Variants in SATL1 observed in about 807,000 individuals in gnomAD.
SATL1 encodes spermidine/spermine N(1)-acetyltransferase-like protein 1.
In SATL1, 47 loss-of-function variants were observed where a neutral mutation model predicts 51.8. The observed-to-expected ratio is 0.91, with a 90% CI of 0.72 to 1.16. SATL1 has a LOEUF of 1.16. Among genes scored for constraint, SATL1 ranks in the 50% most tolerant of loss-of-function variants. The pLI is 0.00. For synonymous variants in SATL1, 176 were observed against 182.4 expected (o/e 0.97, Z 0.28); for missense variants, 520 against 526.4 (o/e 0.99, Z 0.12).
intron 2 of SATL1, among the ~76,000 whole-genome samples, chrX:85,144,600 G>T (rs894181620): frequency 1.8e-5 from 2 of 112,068 alleles, no homozygotes; most frequent in Non-Finnish European, 3.8e-5. Flanking sequence ...GACTTGACTC[G>T]TAAGAAAGGT....
At chrX:85,220,644 TA>T (rs57383092) in intron 2 of SATL1, among the ~76,000 whole-genome samples, 14 of 24,162 alleles carry the variant, frequency 5.8e-4, no homozygotes, top group South Asian at 4.4e-3. Flanking sequence ...ACTTCTGTGT[TA>T]AAAAAAAAAA....
chrX:85,096,099 T>C (rs1218342762), intron 4 of SATL1, among the ~76,000 whole-genome samples: 1 of 111,453 alleles, frequency 9.0e-6, no homozygotes, highest in African/African-American at 3.3e-5. Context: ...AGCCAGATGT[T>C]TGACTTACTA....
At chrX:85,095,388 G>A (rs960738479) in intron 4 of SATL1, among the ~76,000 whole-genome samples, 9 of 111,731 alleles carry the variant, frequency 8.1e-5, no homozygotes, top group African/African-American at 9.8e-5. Flanking sequence ...CTGAGGTGAC[G>A]ACTTGGAGGT....
At position 85,107,429 on chromosome X, in the gene SATL1, G is replaced by T; in HGVS notation, c.1540C>A (p.Pro514Thr). Residue 514 changes from proline to threonine, a missense_variant, in exon 3 of 8, where the codon CCA becomes ACA. This residue lies in a region of SATL1 where 488 missense variants were observed against 474.3 expected (regional missense o/e 1.03). Transcript: ENST00000644105. ...PGLSQPGRSQ[P>T]SVSQMGMRQT... Reference sequence around the variant, plus strand: ...CTCATGCCCATTTGGCTCACACTTGGTTGGCTCCTGCCTGGTTGACTCAGG... The same window carrying T: ...CTCATGCCCATTTGGCTCACACTTGTTTGGCTCCTGCCTGGTTGACTCAGG... The T allele has an allele frequency of 8.2e-7, 1 of 1,212,164 alleles. No individual in the cohort carries two copies. The highest frequency in any genetic ancestry group is 1.1e-6 in the Non-Finnish European group (1 of 895,429).
intron 4 of SATL1, among the ~76,000 whole-genome samples, chrX:85,100,507 T>C (rs535034547): frequency 2.7e-5 from 3 of 112,107 alleles, no homozygotes; most frequent in Non-Finnish European, 3.8e-5. Flanking sequence ...AAAACTTGTA[T>C]ACTGAAAGCT....
At chrX:85,103,589 T>C (rs182063029) in intron 4 of SATL1, among the ~76,000 whole-genome samples, 1 of 112,053 alleles carries the variant, frequency 8.9e-6, no homozygotes, top group Non-Finnish European at 1.9e-5. Flanking sequence ...GGGTGTTAAA[T>C]TATACTTTTT....
intron 2 of SATL1, chrX:85,156,449 G>A (rs994969293): frequency 9.0e-6 from 1 of 110,965 alleles, no homozygotes; most frequent in African/African-American, 3.3e-5. Context: ...GATAAACTAA[G>A]TTTACAGAAG....
chrX:85,138,503 T>C (rs1926022373), intron 2 of SATL1, among the ~76,000 whole-genome samples: 1 of 111,483 alleles, frequency 9.0e-6, no homozygotes, highest in African/African-American at 3.3e-5. Context: ...GTTTTTTTTG[T>C]TTTTGTTTTT....
intron 2 of SATL1, among the ~76,000 whole-genome samples, chrX:85,190,845 T>C (rs757282668): frequency 9.1e-6 from 1 of 109,724 alleles, no homozygotes; most frequent in African/African-American, 3.3e-5. Context: ...GAAACCATCA[T>C]TCTCAGCAAA....
At chrX:85,193,097 G>T (rs1179713596) in intron 2 of SATL1, among the ~76,000 whole-genome samples, 1 of 111,503 alleles carries the variant, frequency 9.0e-6, no homozygotes, top group Non-Finnish European at 1.9e-5. Flanking sequence ...AAATGTCAGG[G>T]AATAATGGTA....
intron 1 of SATL1, among the ~76,000 whole-genome samples, chrX:85,226,782 C>G (rs1030090830): frequency 9.9e-5 from 11 of 111,014 alleles, no homozygotes; most frequent in African/African-American, 3.6e-4. Context: ...TCTATAATCT[C>G]AATTTTAAAC....
chrX:85,243,391 G>A (rs367700418), intron 1 of SATL1, among the ~76,000 whole-genome samples, 197 bp downstream of exon 1: 1 of 112,273 alleles, frequency 8.9e-6, no homozygotes, highest in South Asian at 3.7e-4. Flanking sequence ...GCAGACAGAA[G>A]CTGAAAGTGA....
chrX:85,201,328 A>G (rs1927682292), intron 2 of SATL1, among the ~76,000 whole-genome samples: 1 of 111,663 alleles, frequency 9.0e-6, no homozygotes, highest in South Asian at 3.7e-4. Flanking sequence ...AATTTTAATT[A>G]ATAGAGATTC....
intron 2 of SATL1, among the ~76,000 whole-genome samples, chrX:85,178,587 C>A (rs765525126): frequency 3.9e-5 from 4 of 101,706 alleles, no homozygotes; most frequent in Non-Finnish European, 7.9e-5. Context: ...TGAGTTATAA[C>A]CACTTCAGCC....
chrX:85,139,262 C>A (rs1380985343), intron 2 of SATL1, among the ~76,000 whole-genome samples: 1 of 111,372 alleles, frequency 9.0e-6, no homozygotes, highest in Non-Finnish European at 1.9e-5. Context: ...ATGTGCCAAG[C>A]ACTGTGGTAA....
chrX:85,173,505 T>A (rs1475434393), intron 2 of SATL1, among the ~76,000 whole-genome samples: 5 of 110,821 alleles, frequency 4.5e-5, no homozygotes, highest in African/African-American at 1.6e-4. Flanking sequence ...TTCTTTTTTT[T>A]ATGATATTAA....
intron 2 of SATL1, among the ~76,000 whole-genome samples, chrX:85,139,806 A>G (rs139577270): frequency 0.027 from 2,970 of 111,707 alleles, 98 homozygotes; most frequent in African/African-American, 0.09. Flanking sequence ...TTTACAGTAG[A>G]TTTACACTAT....
chrX:85,137,087 G>A (rs1331399816), intron 2 of SATL1, among the ~76,000 whole-genome samples: 2 of 111,375 alleles, frequency 1.8e-5, no homozygotes, highest in African/African-American at 6.5e-5. Context: ...GCAGAAAAGC[G>A]TGGGCTCAGG....
chrX:85,167,251 TG>T (rs201321430), intron 2 of SATL1, among the ~76,000 whole-genome samples: 11,425 of 84,298 alleles, frequency 0.14, 631 homozygotes, highest in South Asian at 0.24. Flanking sequence ...ATCAGAGAGA[TG>T]GGGGGGGGGT....
Sources: allele counts gnomAD v4.1 joint callset (sites outside exome capture counted in the v4.1 genomes callset), GRCh38; gene constraint gnomAD v4.1.1; regional missense constraint gnomAD v4.1.1; transcripts MANE v1.5; gene names NCBI Gene and HGNC (gene_info 2026-07-23, HGNC 2026-07-21).